Variants in POTEF observed in about 807,000 individuals in gnomAD.
POTEF encodes the protein POTE ankyrin domain family member F, also known as ANKRD26-like family C member 1B.
POTEF carries 20 observed loss-of-function variants against 83.2 expected under a neutral mutation model. The observed-to-expected ratio is 0.24, with a 90% CI of 0.17 to 0.35. POTEF has a LOEUF of 0.35. Ranked by LOEUF, POTEF falls within the 10% of genes least tolerant of loss-of-function variation. The probability of loss-of-function intolerance (pLI) is 1.00; values close to 1 mark genes in which losing one functional copy is unlikely to be tolerated. For synonymous variants in POTEF, 196 were observed against 446.4 expected (o/e 0.44, Z 7.07); for missense variants, 550 against 1,203.2 (o/e 0.46, Z 8.03).
rs564999200 is a variant in POTEF at position 130,105,120 on chromosome 2, T to C, written c.1126+2889A>G. On this transcript the variant is annotated intron_variant, in intron 8 of 16. Transcript: ENST00000409914. ...TCTCTGTCCCCCAAGCCTTTCTCAT[T>C]CAATTATCACTAAATCATATTGACG... 2.6e-3 allele frequency among the ~76,000 whole-genome samples: 376 copies of C among 142,564 alleles called. 6 individuals carry two copies. Among genetic ancestry groups the C allele is most frequent in the African/African-American group, 9.8e-3 (363 of 37,036 alleles). 93.5% of individuals were successfully genotyped at this position (142,564 alleles called of 152,430 possible).
intron 3 of POTEF, 116 bp from the exon 4 acceptor site, chr2:130,115,444 C>T: frequency 1.8e-6 from 2 of 1,105,294 alleles, no homozygotes; most frequent in South Asian, 3.2e-5. Flanking sequence ...TCAAAACAAA[C>T]ATTTAACTTT....
intron 5 of POTEF, 38 bp downstream of exon 5, chr2:130,114,843 A>G: frequency 1.2e-6 from 1 of 819,870 alleles, no homozygotes; most frequent in Non-Finnish European, 1.9e-6. Context: ...AAATGAATGC[A>G]TTTCAGTATT....
chr2:130,074,526 G>A lies in POTEF; in HGVS notation c.2946C>T (p.Ile982=), dbSNP rs1410063456. The A allele has an allele frequency of 6.6e-7, 1 of 1,514,322 alleles. No individual in the cohort carries two copies. The allele number at this position is 1,514,322 out of a possible 1,614,324, so 93.8% of individuals were successfully genotyped here. The change falls in exon 17 of 17, where the codon ATC becomes ATT. Residue 982 remains isoleucine, a synonymous_variant. Coordinates refer to ENST00000409914, the MANE Select transcript of POTEF (RefSeq NM_001099771.2). ...CGIHETTFNS[I]MKSDVDIRKD... ...TGCGGATGTCCACATCAGACTTCAT[G>A]ATGGAGTTGAAGGTAGTTTCATGGA...
rs371136727 is a variant in POTEF, at chr2:130,119,450, G to A, written c.521+545C>T. 2.5e-3 allele frequency among the ~76,000 whole-genome samples: 384 copies of A among 151,790 alleles called. 4 individuals are homozygous for A. Among genetic ancestry groups the A allele is most frequent in the African/African-American group, 8.9e-3 (366 of 41,298 alleles). On this transcript the variant is annotated intron_variant, in intron 3 of 16. Coordinates refer to ENST00000409914, the MANE Select transcript of POTEF (RefSeq NM_001099771.2). ...GCTGGGATTACAGGCGTGAGCCACC[G>A]CGCCCAGCCAAAAAGCTCACATCTT... is the stretch of plus-strand genomic sequence containing the variant.
intron 8 of POTEF, among the ~76,000 whole-genome samples, chr2:130,105,998 A>G (rs1253592534): frequency 6.6e-6 from 1 of 151,182 alleles, no homozygotes; most frequent in African/African-American, 2.5e-5. Flanking sequence ...GAAATGTTAC[A>G]GGAAGCCCTT....
In POTEF at chr2:130,112,058, T is replaced by A. The variant is rs768597364; in HGVS notation, c.854A>T (p.Gln285Leu). Residue 285 changes from glutamine (Q) to leucine (L), a missense_variant, in exon 6 of 17, where the codon CAG becomes CTG. Coordinates refer to ENST00000409914, the MANE Select transcript of POTEF (RefSeq NM_001099771.2). ...CTTAATTAAAAATTTCACGACTTGC[T>A]GTTTTTGCTCATGTACACCAAGTAA... ...PLLLGVHEQK[Q>L]QVVKFLIKKK... is the part of the protein sequence containing the mutation. The A allele has an allele frequency of 2.1e-6, 3 of 1,414,730 alleles. No homozygotes were observed. Among genetic ancestry groups the A allele is most frequent in the Non-Finnish European group, 2.8e-6 (3 of 1,057,926 alleles). The allele number at this position is 1,414,730 out of a possible 1,614,324, so 87.6% of individuals were successfully genotyped here. A position where few individuals can be genotyped will look rare whatever the true frequency, so the allele number is the denominator to read the frequency against.
intron 8 of POTEF, 104 bp downstream of exon 8, chr2:130,107,905 A>T: frequency 4.0e-6 from 5 of 1,246,978 alleles, no homozygotes; most frequent in Non-Finnish European, 5.6e-6. Context: ...AACCATCCCC[A>T]CCCTCCCCCA....
chr2:130,108,862 G>A (rs577362298), intron 7 of POTEF, among the ~76,000 whole-genome samples: 4 of 150,158 alleles, frequency 2.7e-5, no homozygotes, highest in South Asian at 2.1e-4. Context: ...CTTCTCTACC[G>A]ACTCAAACTC....
chr2:130,077,424 G>A lies in POTEF; in HGVS notation c.1779-223C>T, dbSNP rs1404494898. On this transcript the variant is annotated intron_variant, in intron 15 of 16. Transcript: ENST00000409914. Reference sequence around the variant, plus strand: ...TTTCCAGGAACCTGAGGTGGGGGATGGTTCCAGGATGATTCAAGTATATTA... The same window carrying A: ...TTTCCAGGAACCTGAGGTGGGGGATAGTTCCAGGATGATTCAAGTATATTA... Among the ~76,000 whole-genome samples, 9 of 152,330 alleles carry A rather than the reference G, an allele frequency of 5.9e-5. No individual in the cohort carries two copies. The East Asian group carries it at 1.5e-3, about 26-fold the overall frequency.
chr2:130,119,088 T>C (rs1163677158), intron 3 of POTEF, among the ~76,000 whole-genome samples: 3 of 151,906 alleles, frequency 2.0e-5, no homozygotes, highest in Non-Finnish European at 4.4e-5. Context: ...AAAGACAGCA[T>C]GTGTAATTTA....
intron 10 of POTEF, 70 bp downstream of exon 10, chr2:130,100,606 T>TA (rs2104799354): frequency 2.0e-6 from 3 of 1,531,212 alleles, no homozygotes; most frequent in Admixed American, 1.9e-5. Flanking sequence ...TGCCTACACT[T>TA]ACTACATTTT....
intron 3 of POTEF, among the ~76,000 whole-genome samples, chr2:130,115,967 A>C (rs1558894286): frequency 6.6e-6 from 1 of 152,066 alleles, no homozygotes; most frequent in Non-Finnish European, 1.5e-5. Context: ...TCTCTTATTG[A>C]GGCATAAAAT....
At chr2:130,105,221 A>T (rs1158496365) in intron 8 of POTEF, among the ~76,000 whole-genome samples, 10 of 150,368 alleles carry the variant, frequency 6.7e-5, no homozygotes, top group East Asian at 3.9e-4. Context: ...GCTTTTATTT[A>T]AAAAAAAGCC....
At position 130,120,441 on chromosome 2, in the gene POTEF, G is replaced by A. The variant is rs749042443; in HGVS notation, c.75C>T (p.Gly25=). 8 of 1,613,620 alleles carry A rather than the reference G, an allele frequency of 5.0e-6. No individual in the cohort carries two copies. Among genetic ancestry groups the A allele is most frequent in the Middle Eastern group, 1.7e-4 (1 of 6,036 alleles). ...AGGGGAAGCAACGGCAGCACCACTT[G>A]CCCATCTTGCTCCTGAGACCAAATG... The part of the protein sequence containing the change: ...KKPFGLRSKM[G]KWCCRCFPCC... The change falls in exon 3 of 17, where the codon GGC becomes GGT. Residue 25 remains glycine (G), a synonymous_variant. Coordinates refer to ENST00000409914, the MANE Select transcript of POTEF (RefSeq NM_001099771.2).
chr2:130,105,974 G>A (rs1684515864), intron 8 of POTEF, among the ~76,000 whole-genome samples: 1 of 151,028 alleles, frequency 6.6e-6, no homozygotes, highest in Non-Finnish European at 1.5e-5. Flanking sequence ...AGCATGTGGT[G>A]TGACCCAGCC....
At chr2:130,110,279 C>T (rs201916043) in intron 7 of POTEF, among the ~76,000 whole-genome samples, 19 of 149,270 alleles carry the variant, frequency 1.3e-4, no homozygotes, top group Non-Finnish European at 2.4e-4. Flanking sequence ...ATAGGTGTTA[C>T]ACTTGGATCA....
chr2:130,074,045 G>A lies in POTEF; in HGVS notation c.*199C>T. On this transcript the variant is annotated 3_prime_UTR_variant, in exon 17 of 17. Transcript: ENST00000409914. ...TACAATCAAAGTCCTTGGCCACATTGTAGAACTTTGGAGGAAGCTTCCTCC... is the reference window on the plus strand; with the variant it reads ...TACAATCAAAGTCCTTGGCCACATTATAGAACTTTGGAGGAAGCTTCCTCC... 1.1e-6 allele frequency: 1 copy of A among 908,462 alleles called. No homozygotes were observed. Among genetic ancestry groups the A allele is most frequent in the Non-Finnish European group, 1.7e-6 (1 of 606,022 alleles). 56.3% of individuals were successfully genotyped at this position (908,462 alleles called of 1,614,324 possible). A position where few individuals can be genotyped will look rare whatever the true frequency, so the allele number is the denominator to read the frequency against.
chr2:130,076,698 C>A (rs1683815638), intron 16 of POTEF, among the ~76,000 whole-genome samples: 1 of 147,200 alleles, frequency 6.8e-6, no homozygotes, highest in Non-Finnish European at 1.5e-5. Flanking sequence ...CTATACATTT[C>A]CTACTTTCTT....
intron 3 of POTEF, among the ~76,000 whole-genome samples, chr2:130,117,982 C>G (rs1304944199): frequency 6.7e-6 from 1 of 150,196 alleles, no homozygotes; most frequent in African/African-American, 2.5e-5. Context: ...ACTCTATCAC[C>G]CAGGCTGGAA....
Sources: gnomAD v4.1 joint callset for allele counts (sites outside exome capture counted in the v4.1 genomes callset) on GRCh38, gnomAD v4.1.1 for gene constraint, MANE v1.5 for transcripts, NCBI Gene and HGNC (gene_info 2026-07-23, HGNC 2026-07-21) for gene names.